The following CSMD1 variants were observed in gnomAD, a reference collection of about 807,000 sequenced individuals.
CSMD1 encodes CUB and Sushi multiple domains 1.
CSMD1 carries 213 observed loss-of-function variants against 417.5 expected under a neutral mutation model. The ratio of observed to expected loss-of-function variants is 0.51; its 90% CI spans 0.46 to 0.57. The LOEUF (loss-of-function observed/expected upper bound fraction) is 0.57, where lower values mean the gene tolerates loss of function less well. CSMD1 is among the 20% of genes least tolerant of loss of function. The pLI is 0.00. For missense variants in CSMD1, 6,923 were observed against 4,529.7 expected (o/e 1.53, Z -15.17); for synonymous variants, 2,862 against 1,736.8 (o/e 1.65, Z -16.11).
At chr8:2,985,707 A>G (rs57691162) in intron 54 of CSMD1, among the ~76,000 whole-genome samples, 4,822 of 152,230 alleles carry the variant, frequency 0.032, 267 homozygotes, top group African/African-American at 0.11. Context: ...AGGGTGACTC[A>G]GCTTCACTCA....
At chr8:3,771,467 G>A (rs1214597316) in intron 5 of CSMD1, among the ~76,000 whole-genome samples, 2 of 152,182 alleles carry the variant, frequency 1.3e-5, no homozygotes, top group Non-Finnish European at 2.9e-5. Context: ...GGGGGGGCAA[G>A]CAGGGCCAGG....
intron 33 of CSMD1, among the ~76,000 whole-genome samples, chr8:3,196,409 T>C (rs777335612): frequency 6.6e-6 from 1 of 152,182 alleles, no homozygotes; most frequent in South Asian, 2.1e-4. Flanking sequence ...CTTTATTCCT[T>C]AACTTTCCTA....
rs1456919037 is a variant in CSMD1 at position 3,181,173 on chromosome 8, G to C, written c.5662C>G (p.Leu1888Val). Reference protein sequence around the residue: ...PALLNSTSNQLYLHFQSDISV... With the variant: ...PALLNSTSNQVYLHFQSDISV... ...ATGTCAGACTGGAAATGCAGGTAGA[G>C]TTGGTTGGAAGTACTGTTCAGCAGT... Residue 1888 changes from leucine to valine, a missense_variant, in exon 37 of 70, where the codon CTC (leucine) becomes GTC (valine). Transcript: ENST00000635120. 1.9e-6 allele frequency: 3 copies of C among 1,613,930 alleles called. No individual in the cohort carries two copies. Among genetic ancestry groups the C allele is most frequent in the South Asian group, 1.1e-5 (1 of 91,054 alleles).
chr8:3,999,471 T>A (rs1048611466), intron 4 of CSMD1, among the ~76,000 whole-genome samples: 6 of 152,180 alleles, frequency 3.9e-5, no homozygotes, highest in Non-Finnish European at 7.4e-5. Flanking sequence ...TTTGGCAGGA[T>A]CTAAGCCTCA....
At chr8:4,220,059 C>T (rs916927384) in intron 3 of CSMD1, among the ~76,000 whole-genome samples, 4 of 152,152 alleles carry the variant, frequency 2.6e-5, no homozygotes, top group African/African-American at 9.7e-5. Context: ...AAGCAATTCT[C>T]GTGCCTCAGC....
At chr8:4,138,952 G>T (rs75092693) in intron 3 of CSMD1, among the ~76,000 whole-genome samples, 44,991 of 151,938 alleles carry the variant, frequency 0.3, 8,080 homozygotes, top group Non-Finnish European at 0.39. Context: ...AACAAACATT[G>T]TCGAACACTC....
At chr8:3,949,119 T>C (rs1451470939) in intron 5 of CSMD1, among the ~76,000 whole-genome samples, 2 of 152,214 alleles carry the variant, frequency 1.3e-5, no homozygotes, top group African/African-American at 2.4e-5. Context: ...CGATATAATA[T>C]TTTAAAATAT....
chr8:3,647,861 C>T (rs576365117), intron 7 of CSMD1, among the ~76,000 whole-genome samples: 4 of 152,212 alleles, frequency 2.6e-5, no homozygotes, highest in Non-Finnish European at 5.9e-5. Flanking sequence ...CCTTTTCTAA[C>T]TATTCTTGTA....
In CSMD1 at chr8:2,973,163, C is replaced by T. The variant is rs768147562; in HGVS notation, c.8877G>A (p.Thr2959=). Residue 2959 remains threonine, a synonymous_variant, in exon 57 of 70, where the codon ACG becomes ACA. Transcript: ENST00000635120. ...GHQLRGSPER[T]CLLNGSWSGL... ...CTGACCATGACCCATTGAGCAAACA[C>T]GTGCGTTCAGGGGAGCCCCTCAGCT... The T allele has an allele frequency of 3.7e-5, 59 of 1,613,636 alleles. No homozygotes were observed. Among genetic ancestry groups the T allele is most frequent in the Non-Finnish European group, 4.4e-5 (52 of 1,179,732 alleles).
At chr8:3,503,408 AG>A (rs1221634587) in intron 10 of CSMD1, among the ~76,000 whole-genome samples, 1 of 152,262 alleles carries the variant, frequency 6.6e-6, no homozygotes, top group South Asian at 2.1e-4. Flanking sequence ...CTAGTGATTC[AG>A]GGTGGGAAAT....
At position 3,325,629 on chromosome 8, in the gene CSMD1, G is replaced by A. The variant is rs902892489; in HGVS notation, c.3632-17126C>T. Among the ~76,000 whole-genome samples, 12 of 152,306 alleles carry A rather than the reference G, an allele frequency of 7.9e-5. 1 individual carries two copies. The highest frequency in any genetic ancestry group is 2.9e-4 in the African/African-American group (12 of 41,568). ...GCCTGAGGTCAGGAGTTTGAGACCA[G>A]CCTGCTCAGCGTGGTGAAACCCCGT... On this transcript the variant is annotated intron_variant, in intron 23 of 69. Coordinates refer to ENST00000635120, the MANE Select transcript of CSMD1 (RefSeq NM_033225.6).
intron 2 of CSMD1, among the ~76,000 whole-genome samples, chr8:4,582,617 T>C (rs1203145155): frequency 2.0e-5 from 3 of 152,186 alleles, no homozygotes; most frequent in Non-Finnish European, 4.4e-5. Context: ...TTAGCAAGGA[T>C]GCACCTGGAA....
At chr8:3,037,712 G>C (rs1810786609) in intron 50 of CSMD1, among the ~76,000 whole-genome samples, 2 of 152,148 alleles carry the variant, frequency 1.3e-5, no homozygotes, top group African/African-American at 4.8e-5. Flanking sequence ...TTAACGAAAT[G>C]ATTCCTAAAT....
chr8:4,382,957 C>A (rs371716075), intron 3 of CSMD1, among the ~76,000 whole-genome samples: 6 of 152,164 alleles, frequency 3.9e-5, no homozygotes, highest in African/African-American at 1.4e-4. Flanking sequence ...GCTGCATATA[C>A]AGGGGATGAC....
intron 3 of CSMD1, among the ~76,000 whole-genome samples, chr8:4,266,406 G>C (rs184638756): frequency 9.5e-6 from 1 of 104,782 alleles, no homozygotes; most frequent in Non-Finnish European, 2.6e-5. Context: ...TTCATTTTAT[G>C]TGTAATAATG....
intron 2 of CSMD1, among the ~76,000 whole-genome samples, chr8:4,594,240 G>C (rs1048323587): frequency 8.8e-6 from 1 of 114,082 alleles, no homozygotes; most frequent in African/African-American, 3.6e-5. Flanking sequence ...GTCTTGCTCT[G>C]TTACCCAGGC....
chr8:3,315,614 A>G (rs925596273), intron 23 of CSMD1, among the ~76,000 whole-genome samples: 3 of 148,952 alleles, frequency 2.0e-5, no homozygotes, highest in African/African-American at 7.3e-5. Context: ...TTGTAATCCT[A>G]TGAGCAGCCC....
At chr8:4,985,407 G>A (rs7832116) in intron 1 of CSMD1, among the ~76,000 whole-genome samples, 27,904 of 152,080 alleles carry the variant, frequency 0.18, 2,870 homozygotes, top group East Asian at 0.31. Flanking sequence ...TAGGTGAATA[G>A]GAAGGGCCCA....
At chr8:3,458,862 A>G (rs998613921) in intron 12 of CSMD1, among the ~76,000 whole-genome samples, 2 of 152,196 alleles carry the variant, frequency 1.3e-5, no homozygotes, top group Non-Finnish European at 2.9e-5. Flanking sequence ...AGGACACACA[A>G]AACACTCTAG....
Sources: gnomAD v4.1 joint callset for allele counts (sites outside exome capture counted in the v4.1 genomes callset) on GRCh38, gnomAD v4.1.1 for gene constraint, MANE v1.5 for transcripts, NCBI Gene and HGNC (gene_info 2026-07-23, HGNC 2026-07-21) for gene names.